The following DTD1 variants were observed in gnomAD, a reference collection of about 807,000 sequenced individuals.
DTD1 encodes the protein D-aminoacyl-tRNA deacylase 1.
A neutral mutation model predicts 25.6 loss-of-function variants in DTD1; 13 were observed. The ratio of observed to expected loss-of-function variants is 0.51; its 90% CI spans 0.33 to 0.81. DTD1 has a LOEUF of 0.81. DTD1 is among the 30% of genes least tolerant of loss of function. The pLI is 0.02. For missense variants in DTD1, 193 were observed against 266.4 expected, an observed-to-expected ratio of 0.72 and a Z score of 1.92; for synonymous variants, 110 against 103.6, an observed-to-expected ratio of 1.06 and a Z score of -0.37.
intron 4 of DTD1, among the ~76,000 whole-genome samples, chr20:18,704,671 A>T (rs2061118979): frequency 6.6e-6 from 1 of 152,144 alleles, no homozygotes; most frequent in African/African-American, 2.4e-5. Context: ...GTAGGGGAGG[A>T]GGACATGCTA....
At chr20:18,588,765 C>T in intron 1 of DTD1, 1 of 985,256 alleles carries the variant, frequency 1.0e-6, no homozygotes, top group African/African-American at 1.7e-5. Context: ...AAACATTTCT[C>T]TTTTTCTTGT....
chr20:18,689,958 C>T (rs1214502861), intron 4 of DTD1, among the ~76,000 whole-genome samples: 2 of 13,690 alleles, frequency 1.5e-4, no homozygotes, highest in South Asian at 4.7e-3. Context: ...GGCAACTTAG[C>T]GAGACCTTGT....
chr20:18,628,597 A>G (rs1367448424), intron 4 of DTD1, among the ~76,000 whole-genome samples: 1 of 152,178 alleles, frequency 6.6e-6, no homozygotes, highest in Non-Finnish European at 1.5e-5. Context: ...GGTTACCTGA[A>G]TTGGGTTTGG....
At chr20:18,636,009 ATC>A (rs1404974929) in intron 4 of DTD1, among the ~76,000 whole-genome samples, 1 of 152,202 alleles carries the variant, frequency 6.6e-6, no homozygotes, top group Non-Finnish European at 1.5e-5. Context: ...AGAGCAAAAT[ATC>A]TGTTTTGCTT....
At chr20:18,601,646 A>AC (rs897972632) in intron 3 of DTD1, among the ~76,000 whole-genome samples, 8 of 151,150 alleles carry the variant, frequency 5.3e-5, no homozygotes, top group African/African-American at 9.7e-5. Flanking sequence ...ACTGGGAGGC[A>AC]CCCCCCAGCA....
At chr20:18,712,877 C>G (rs2061164832) in intron 4 of DTD1, among the ~76,000 whole-genome samples, 1 of 152,254 alleles carries the variant, frequency 6.6e-6, no homozygotes, top group Admixed American at 6.5e-5. Context: ...TACAGACTCC[C>G]CTCCTTACCT....
intron 4 of DTD1, among the ~76,000 whole-genome samples, chr20:18,718,932 T>G (rs932395902): frequency 6.6e-6 from 1 of 152,216 alleles, no homozygotes; most frequent in African/African-American, 2.4e-5. Flanking sequence ...CCTTCTGCCC[T>G]GAGCAGAGAG....
At chr20:18,754,441 C>T (rs546643646) in intron 5 of DTD1, among the ~76,000 whole-genome samples, 1 of 152,316 alleles carries the variant, frequency 6.6e-6, no homozygotes, top group African/African-American at 2.4e-5. Context: ...TCATGTCTGC[C>T]CTCAGTAGCT....
At position 18,679,359 on chromosome 20, in the gene DTD1, T is replaced by C. The variant is rs548726232; in HGVS notation, c.477+51126T>C. Among the ~76,000 whole-genome samples, 23 of 152,260 alleles carry C rather than the reference T, an allele frequency of 1.5e-4. 1 individual carries two copies. The highest frequency in any genetic ancestry group is 1.3e-4 in the Admixed American group (2 of 15,288). ...AACCTTGTTCTCTCCCACCTTATTATAGTCTGAGGTTTACATGACGTGCAT... is the reference window on the plus strand; with the variant it reads ...AACCTTGTTCTCTCCCACCTTATTACAGTCTGAGGTTTACATGACGTGCAT... On this transcript the variant is annotated intron_variant, in intron 4 of 5. Transcript: ENST00000377452.
chr20:18,711,977 G>C (rs2061160786), intron 4 of DTD1, among the ~76,000 whole-genome samples: 1 of 151,900 alleles, frequency 6.6e-6, no homozygotes, highest in Admixed American at 6.6e-5. Context: ...GCTGAAGCAG[G>C]AGAATTGCTT....
At chr20:18,635,608 C>T (rs1438999055) in intron 4 of DTD1, among the ~76,000 whole-genome samples, 1 of 152,190 alleles carries the variant, frequency 6.6e-6, no homozygotes, top group East Asian at 1.9e-4. Context: ...CTTGTCAGTG[C>T]CTGGGGGAAT....
chr20:18,677,463 A>C (rs190106722), intron 4 of DTD1, among the ~76,000 whole-genome samples: 46 of 152,264 alleles, frequency 3.0e-4, no homozygotes, highest in African/African-American at 8.7e-4. Flanking sequence ...GACACAGAGA[A>C]CTGGGGAGGG....
In DTD1 at chr20:18,737,009, G is replaced by A. The variant is rs1043944603; in HGVS notation, c.478-7091G>A. ...CAAGCCTGCCCTGCTGCCTTGCCGT[G>A]CCGGTCCTGTCTGAAGTCTCTGATG... On this transcript the variant is annotated intron_variant, in intron 4 of 5. Coordinates refer to ENST00000377452, the MANE Select transcript of DTD1 (RefSeq NM_080820.6). Among the ~76,000 whole-genome samples, 81 of 152,178 alleles carry A rather than the reference G, an allele frequency of 5.3e-4. 1 individual carries two copies. Among genetic ancestry groups the A allele is most frequent in the Non-Finnish European group, 1.6e-4 (11 of 68,010 alleles).
chr20:18,712,277 C>T (rs1395685220), intron 4 of DTD1, among the ~76,000 whole-genome samples: 2 of 151,698 alleles, frequency 1.3e-5, no homozygotes, highest in Admixed American at 6.6e-5. Flanking sequence ...GTGCTCTCCA[C>T]AGGGATTAGC....
Position 18,593,731 on chromosome 20 carries a change from T to C in DTD1, c.44T>C (p.Val15Ala), listed in dbSNP as rs2060599462. Residue 15 changes from valine to alanine, a missense_variant and splice_region_variant, in exon 2 of 6, where the codon GTT becomes GCT. By Grantham distance (64) the Val-to-Ala change is moderately conservative. Transcript: ENST00000377452. ...VQRVTRASVTVGGEQISAIGR... is the reference protein window; with the variant it reads ...VQRVTRASVTAGGEQISAIGR... ...TCTCTCCCTTTTGGTTCCTTTCTAG[T>C]TGGAGGAGAGCAGATTAGTGCCATT... 1.9e-6 allele frequency: 3 copies of C among 1,613,486 alleles called. No homozygotes were observed. Among genetic ancestry groups the C allele is most frequent in the Non-Finnish European group, 2.5e-6 (3 of 1,179,456 alleles).
At chr20:18,695,514 C>G (rs1444495821) in intron 4 of DTD1, among the ~76,000 whole-genome samples, 3 of 69,382 alleles carry the variant, frequency 4.3e-5, no homozygotes, top group African/African-American at 1.2e-4. Flanking sequence ...CCCTTCCCTT[C>G]CCTTCCTTTC....
intron 4 of DTD1, among the ~76,000 whole-genome samples, chr20:18,700,659 A>G (rs1033445476): frequency 2.0e-5 from 3 of 152,014 alleles, no homozygotes; most frequent in African/African-American, 7.3e-5. Context: ...TGTTTATTCC[A>G]CACCTTCCAC....
At chr20:18,675,876 G>GTA (rs1600359217) in intron 4 of DTD1, among the ~76,000 whole-genome samples, 13 of 152,204 alleles carry the variant, frequency 8.5e-5, no homozygotes, top group African/African-American at 1.9e-4. Flanking sequence ...ATACCTATGT[G>GTA]TGTATTTACG....
chr20:18,757,853 C>T (rs138418684), intron 5 of DTD1, among the ~76,000 whole-genome samples: 2,814 of 152,280 alleles, frequency 0.018, 49 homozygotes, highest in African/African-American at 0.048. Context: ...ATGGTACCAG[C>T]TCCTCCTTGT....
Sources: allele counts gnomAD v4.1 joint callset (sites outside exome capture counted in the v4.1 genomes callset), GRCh38; gene constraint gnomAD v4.1.1; transcripts MANE v1.5; gene names NCBI Gene and HGNC (gene_info 2026-07-23, HGNC 2026-07-21).